Variants in SKAP2 observed in about 807,000 individuals in gnomAD.
The protein encoded by SKAP2 is src kinase associated phosphoprotein 2.
SKAP2 carries 28 observed loss-of-function variants against 54.9 expected under a neutral mutation model. The ratio of observed to expected loss-of-function variants is 0.51; its 90% confidence interval spans 0.38 to 0.70. SKAP2 has a LOEUF of 0.70. Among genes scored for constraint, SKAP2 ranks in the 30% least tolerant of loss-of-function variants. The probability of loss-of-function intolerance (pLI) is 0.00; values close to 1 mark genes in which losing one functional copy is unlikely to be tolerated. For synonymous variants in SKAP2, 137 were observed against 134.3 expected, an observed-to-expected ratio of 1.02 and a Z score of -0.14; for missense variants, 356 against 424.1, an observed-to-expected ratio of 0.84 and a Z score of 1.41.
At chr7:26,840,071 TA>T (rs1184014694) in intron 4 of SKAP2, among the ~76,000 whole-genome samples, 4 of 151,550 alleles carry the variant, frequency 2.6e-5, no homozygotes, top group Non-Finnish European at 2.9e-5. Context: ...GTTCCATTCC[TA>T]AAAAAAAATT....
intron 3 of SKAP2, among the ~76,000 whole-genome samples, chr7:26,847,773 A>G (rs1784956126): frequency 6.6e-6 from 1 of 152,206 alleles, no homozygotes; most frequent in African/African-American, 2.4e-5. Flanking sequence ...TGTGGTCATA[A>G]AATTAATGAT....
intron 4 of SKAP2, among the ~76,000 whole-genome samples, chr7:26,804,266 T>TA (rs1554302158): frequency 6.6e-6 from 1 of 152,074 alleles, no homozygotes; most frequent in African/African-American, 2.4e-5. Flanking sequence ...CAAAATTTTT[T>TA]AAAAAATAAT....
intron 1 of SKAP2, among the ~76,000 whole-genome samples, chr7:26,863,827 G>A (rs1422143607): frequency 6.6e-6 from 1 of 152,068 alleles, no homozygotes; most frequent in African/African-American, 2.4e-5. Flanking sequence ...TGAGTGAGCT[G>A]AATGTTTAAG....
intron 7 of SKAP2, among the ~76,000 whole-genome samples, chr7:26,726,231 TCATCAATGTCAAAGA>T (rs1217305056): frequency 6.6e-6 from 1 of 152,264 alleles, no homozygotes; most frequent in East Asian, 1.9e-4. Flanking sequence ...TGCTTCTCTT[TCATCAATGTCAAAGA>T]CAGAACTGAT....
chr7:26,693,926 G>A (rs944223777), intron 9 of SKAP2, among the ~76,000 whole-genome samples: 1 of 151,500 alleles, frequency 6.6e-6, no homozygotes, highest in African/African-American at 2.4e-5. Flanking sequence ...AATAGAACTT[G>A]GCACAAAGGA....
chr7:26,769,131 A>G (rs1387884044), intron 4 of SKAP2, among the ~76,000 whole-genome samples: 1 of 152,032 alleles, frequency 6.6e-6, no homozygotes, highest in East Asian at 1.9e-4. Context: ...ACAGTCCCAT[A>G]TTTCTTGGAG....
chr7:26,695,735 T>C (rs538694728), intron 9 of SKAP2, among the ~76,000 whole-genome samples: 8 of 152,308 alleles, frequency 5.3e-5, no homozygotes, highest in South Asian at 4.1e-4. Flanking sequence ...TTAGAAACAA[T>C]TGCAACCAGG....
At chr7:26,701,235 T>C (rs181642617) in intron 9 of SKAP2, among the ~76,000 whole-genome samples, 1 of 152,300 alleles carries the variant, frequency 6.6e-6, no homozygotes, top group Non-Finnish European at 1.5e-5. Flanking sequence ...ATCTTATTAC[T>C]TGGAGGAAGA....
intron 4 of SKAP2, among the ~76,000 whole-genome samples, chr7:26,836,169 T>C (rs1784706473): frequency 6.6e-6 from 1 of 152,196 alleles, no homozygotes; most frequent in Non-Finnish European, 1.5e-5. Flanking sequence ...GACCCCTTCC[T>C]TACATCTTAT....
intron 4 of SKAP2, among the ~76,000 whole-genome samples, chr7:26,836,197 T>G (rs1017854803): frequency 6.6e-6 from 1 of 152,124 alleles, no homozygotes; most frequent in Non-Finnish European, 1.5e-5. Context: ...TTAACTCAAG[T>G]TGGATTAAAG....
chr7:26,709,124 A>G (rs754455057), intron 9 of SKAP2, among the ~76,000 whole-genome samples: 2 of 152,202 alleles, frequency 1.3e-5, no homozygotes, highest in African/African-American at 2.4e-5. Context: ...TTTTATACTT[A>G]TAAGTATAAA....
intron 4 of SKAP2, among the ~76,000 whole-genome samples, chr7:26,796,553 A>G (rs1046835019): frequency 1.3e-5 from 2 of 152,244 alleles, no homozygotes; most frequent in African/African-American, 4.8e-5. Flanking sequence ...ATTACAAGGA[A>G]AAGTTGGGTT....
chr7:26,733,704 T>G (rs1282340413), intron 6 of SKAP2, among the ~76,000 whole-genome samples: 4 of 152,174 alleles, frequency 2.6e-5, no homozygotes, highest in Non-Finnish European at 5.9e-5. Context: ...GTTCTGAAAT[T>G]TTGTTATCTT....
chr7:26,753,425 T>C (rs1293045565), intron 4 of SKAP2, among the ~76,000 whole-genome samples: 2 of 152,176 alleles, frequency 1.3e-5, no homozygotes, highest in East Asian at 3.9e-4. Flanking sequence ...ACAGGATTTG[T>C]AAAATATGGT....
Position 26,703,038 on chromosome 7 carries a change from G to A in SKAP2, c.797-12676C>T, listed in dbSNP as rs148549972. Among the ~76,000 whole-genome samples, 248 of 152,346 alleles carry A rather than the reference G, an allele frequency of 1.6e-3. 1 individual carries two copies. The highest frequency in any genetic ancestry group is 5.7e-3 in the African/African-American group (239 of 41,582). On this transcript the variant is annotated intron_variant, in intron 9 of 12. Coordinates refer to ENST00000345317, the MANE Select transcript of SKAP2 (RefSeq NM_003930.5). ...TGATTCAGTATATTTTGGCTGAGCT[G>A]GAGAAGGTGCATTTCTAACAAGTTT...
intron 4 of SKAP2, among the ~76,000 whole-genome samples, chr7:26,808,876 G>A (rs1784080847): frequency 6.6e-6 from 1 of 152,214 alleles, no homozygotes; most frequent in Non-Finnish European, 1.5e-5. Flanking sequence ...GCTCCATGAT[G>A]TTGGTCTTGG....
chr7:26,717,841 A>T (rs918623892), intron 9 of SKAP2, among the ~76,000 whole-genome samples: 3 of 151,536 alleles, frequency 2.0e-5, no homozygotes, highest in East Asian at 1.9e-4. Context: ...CAAAAAAAAT[A>T]AAAAAATAAA....
intron 4 of SKAP2, among the ~76,000 whole-genome samples, chr7:26,750,871 C>T (rs1415906075): frequency 1.3e-5 from 2 of 152,124 alleles, no homozygotes; most frequent in African/African-American, 2.4e-5. Flanking sequence ...TCTTTCCACT[C>T]AACTATGCTT....
intron 4 of SKAP2, among the ~76,000 whole-genome samples, chr7:26,809,605 CA>C (rs768629783): frequency 6.6e-6 from 1 of 152,044 alleles, no homozygotes; most frequent in Non-Finnish European, 1.5e-5. Context: ...AAAAGATAAC[CA>C]GTGTTTGTGA....
Sources: gnomAD v4.1 joint callset for allele counts (sites outside exome capture counted in the v4.1 genomes callset) on GRCh38, gnomAD v4.1.1 for gene constraint, MANE v1.5 for transcripts, NCBI Gene and HGNC (gene_info 2026-07-23, HGNC 2026-07-21) for gene names.